Variants in PIK3R6 observed in about 807,000 individuals in gnomAD.
PIK3R6 encodes phosphoinositide 3-kinase regulatory subunit 6.
A neutral mutation model predicts 84.9 loss-of-function variants in PIK3R6; 91 were observed. The ratio of observed to expected loss-of-function variants is 1.07; its 90% CI spans 0.90 to 1.28. The LOEUF (loss-of-function observed/expected upper bound fraction) is 1.28, where lower values mean the gene tolerates loss of function less well. PIK3R6 is among the 50% of genes most tolerant of loss of function. The pLI, the probability that PIK3R6 is intolerant of heterozygous loss-of-function variation, is 0.00. For synonymous variants in PIK3R6, 416 were observed against 411.4 expected (o/e 1.01, Z -0.13); for missense variants, 996 against 985.1 (o/e 1.01, Z -0.15).
chr17:8,841,380 T>C (rs1023313293), intron 2 of PIK3R6, among the ~76,000 whole-genome samples: 11 of 152,184 alleles, frequency 7.2e-5, no homozygotes, highest in South Asian at 2.1e-4. Flanking sequence ...TCAGTTTAGG[T>C]TGGAGTCCTC....
Position 8,855,949 on chromosome 17 carries a change from G to A in PIK3R6, c.-91-6064C>T, listed in dbSNP as rs118183283. ...CAACACAAATGCCTTCAGTGGGTAC[G>A]TGAATGAGCAAACTGTGATACACCC... is the stretch of plus-strand genomic sequence containing the variant. On this transcript the variant is annotated intron_variant, in intron 1 of 19. Coordinates refer to ENST00000619866, the MANE Select transcript of PIK3R6 (RefSeq NM_001010855.4). Among the ~76,000 whole-genome samples the A allele has an allele frequency of 3.9e-5, 6 of 152,312 alleles. No homozygotes were observed. In the East Asian group the frequency reaches 1.2e-3, roughly 29 times the overall value.
chr17:8,829,084 C>A (rs1480873335), intron 10 of PIK3R6, 94 bp from the exon 11 acceptor site: 2 of 1,184,720 alleles, frequency 1.7e-6, no homozygotes, highest in African/African-American at 1.6e-5. Context: ...TACACACACA[C>A]AGAAACACAG....
intron 10 of PIK3R6, among the ~76,000 whole-genome samples, chr17:8,829,200 C>CAT (rs371560363): frequency 7.2e-6 from 1 of 138,296 alleles, no homozygotes; most frequent in Non-Finnish European, 1.6e-5. Context: ...CATACACACA[C>CAT]GTGCACACAC....
intron 1 of PIK3R6, 49 bp from the exon 2 acceptor site, chr17:8,849,934 A>G (rs1231899391): frequency 1.0e-5 from 12 of 1,154,376 alleles, no homozygotes; most frequent in Admixed American, 2.6e-5. Context: ...GAAGGTGCAG[A>G]AAGCACCTTG....
chr17:8,849,804 TG>T lies in PIK3R6; in HGVS notation c.-11del. The stretch of plus-strand genomic sequence containing the variant: ...GACCTGAGCTCTCCATGGGAGCCTT[TG>T]GGTGTAGGAGGAGGAGGATGTGGTT... On this transcript the variant is annotated 5_prime_UTR_variant, in exon 2 of 20. Transcript: ENST00000619866. The T allele has an allele frequency of 6.2e-7, 1 of 1,611,700 alleles. No homozygotes were observed. The highest frequency in any genetic ancestry group is 8.5e-7 in the Non-Finnish European group (1 of 1,178,792).
chr17:8,833,067 G>A, intron 8 of PIK3R6, 22 bp from the exon 9 acceptor site: 2 of 1,550,394 alleles, frequency 1.3e-6, no homozygotes, highest in Non-Finnish European at 1.7e-6. Flanking sequence ...GGGCGTCAGA[G>A]CCTGGGTCTT....
At position 8,804,012 on chromosome 17, in the gene PIK3R6, A is replaced by G. The variant is rs1474836514; in HGVS notation, c.2108+29T>C. On this transcript the variant is annotated intron_variant, in intron 19 of 19. Coordinates refer to ENST00000619866, the MANE Select transcript of PIK3R6 (RefSeq NM_001010855.4). ...CTTCAGTTTGTCCCACGGGCCCTGG[A>G]CATCTAGGGTTGGCAGGCCCAGCCT... 3.2e-6 allele frequency: 5 copies of G among 1,578,382 alleles called. No individual in the cohort carries two copies. In the Admixed American group the frequency reaches 6.7e-5, roughly 21 times the overall value.
At chr17:8,840,550 C>G (rs183026628) in intron 2 of PIK3R6, among the ~76,000 whole-genome samples, 1,602 of 143,178 alleles carry the variant, frequency 0.011, 48 homozygotes, top group African/African-American at 0.04. Flanking sequence ...ATATGTATAT[C>G]AAGTATATAT....
intron 2 of PIK3R6, among the ~76,000 whole-genome samples, chr17:8,840,706 T>C (rs2088650199): frequency 6.7e-6 from 1 of 149,068 alleles, no homozygotes; most frequent in South Asian, 2.1e-4. Flanking sequence ...AACTATTAGG[T>C]TTGTGCAAAA....
chr17:8,806,140 G>T (rs986768004), intron 18 of PIK3R6, among the ~76,000 whole-genome samples: 11 of 152,208 alleles, frequency 7.2e-5, no homozygotes, highest in African/African-American at 2.7e-4. Flanking sequence ...AGCTGGGGGA[G>T]GGTGGGCGAA....
chr17:8,848,953 G>T (rs1432795789), intron 2 of PIK3R6, among the ~76,000 whole-genome samples: 1 of 152,136 alleles, frequency 6.6e-6, no homozygotes, highest in Non-Finnish European at 1.5e-5. Flanking sequence ...ATCTTTAGGG[G>T]AATTAGAGTC....
chr17:8,829,761 A>G lies in PIK3R6; in HGVS notation c.834T>C (p.Ile278=), dbSNP rs1250969668. 6.4e-7 allele frequency: 1 copy of G among 1,552,850 alleles called. No homozygotes were observed. Among genetic ancestry groups the G allele is most frequent in the Admixed American group, 2.0e-5 (1 of 51,138 alleles). ...GDLVQERPPS[I]PLPSPYITFH... ...AGGTGATGTAGGGGCTGGGCAGGGG[A>G]ATGCTTGGTGGCCGCTCTTGGACAA... Residue 278 remains isoleucine (I), a synonymous_variant, in exon 10 of 20, where the codon ATT becomes ATC. Transcript: ENST00000619866.
At chr17:8,821,790 G>T in intron 17 of PIK3R6, 56 bp downstream of exon 17, 1 of 1,508,420 alleles carries the variant, frequency 6.6e-7, no homozygotes, top group Non-Finnish European at 9.0e-7. Context: ...CCTCTCCCCA[G>T]CATTGCCCTT....
chr17:8,838,684 T>A (rs1412893528), intron 3 of PIK3R6, 29 bp from the exon 4 acceptor site: 23 of 1,560,440 alleles, frequency 1.5e-5, no homozygotes, highest in Non-Finnish European at 1.9e-5. Context: ...GAGCCCGGCA[T>A]GAGCAGGTGG....
chr17:8,827,982 C>G, intron 12 of PIK3R6, 130 bp downstream of exon 12: 2 of 941,612 alleles, frequency 2.1e-6, no homozygotes, highest in East Asian at 5.2e-5. Context: ...ACCTCTCTCC[C>G]GCCTCCACAT....
chr17:8,814,209 A>G (rs1404516320), intron 18 of PIK3R6, among the ~76,000 whole-genome samples: 2 of 104,146 alleles, frequency 1.9e-5, no homozygotes, highest in African/African-American at 8.1e-5. Flanking sequence ...TAGTTCAGAG[A>G]GAGATCTTTT....
Position 8,804,066 on chromosome 17 carries a change from G to C in PIK3R6, c.2083C>G (p.Gln695Glu). 6.2e-7 allele frequency: 1 copy of C among 1,613,986 alleles called. No individual in the cohort carries two copies. Among genetic ancestry groups the C allele is most frequent in the Non-Finnish European group, 8.5e-7 (1 of 1,179,844 alleles). ...LLTLSLDKDD[Q>E]RTFRDVVRFE... The stretch of plus-strand genomic sequence containing the variant: ...CTGACCACATCCCTGAAAGTGCGTT[G>C]ATCGTCCTTGTCCAGCGACAGTGTC... Residue 695 changes from glutamine (Q) to glutamate (E), a missense_variant, in exon 19 of 20, where the codon CAA (glutamine) becomes GAA (glutamate). Coordinates refer to ENST00000619866, the MANE Select transcript of PIK3R6 (RefSeq NM_001010855.4).
intron 7 of PIK3R6, 119 bp from the exon 8 acceptor site, chr17:8,835,575 A>G (rs1015140794): frequency 1.1e-6 from 1 of 875,026 alleles, no homozygotes; most frequent in African/African-American, 1.7e-5. Flanking sequence ...TGCTAAAAAG[A>G]GGAGTCTCAG....
intron 1 of PIK3R6, among the ~76,000 whole-genome samples, chr17:8,858,310 CT>C (rs752142944): frequency 0.03 from 2,835 of 95,570 alleles, 44 homozygotes; most frequent in African/African-American, 0.1. Context: ...CTCAATTAAT[CT>C]TTTTTTTTTT....
Sources: gnomAD v4.1 joint callset for allele counts (sites outside exome capture counted in the v4.1 genomes callset) on GRCh38, gnomAD v4.1.1 for gene constraint, MANE v1.5 for transcripts, NCBI Gene and HGNC (gene_info 2026-07-23, HGNC 2026-07-21) for gene names.